The following RALGAPA1 variants were observed in gnomAD, a reference collection of about 807,000 sequenced individuals.
RALGAPA1 encodes Ral GTPase activating protein catalytic subunit alpha 1, also known as ral GTPase-activating protein subunit alpha-1.
In RALGAPA1, 52 loss-of-function variants were observed where a neutral mutation model predicts 269.6. The observed-to-expected ratio is 0.19, with a 90% CI of 0.15 to 0.24. The LOEUF is 0.24. RALGAPA1 is among the 10% of genes least tolerant of loss of function. RALGAPA1 has a pLI of 1.00. For missense variants in RALGAPA1, 1,917 were observed against 3,013.9 expected (o/e 0.64, Z 8.52); for synonymous variants, 817 against 1,008.3 (o/e 0.81, Z 3.60).
chr14:35,637,161 C>T (rs991161579), intron 31 of RALGAPA1, among the ~76,000 whole-genome samples: 12 of 152,164 alleles, frequency 7.9e-5, no homozygotes, highest in Admixed American at 1.3e-4. Context: ...AATGCCCACA[C>T]ACCAATGAAC....
At chr14:35,633,692 C>T (rs575528354) in intron 33 of RALGAPA1, among the ~76,000 whole-genome samples, 29 of 152,264 alleles carry the variant, frequency 1.9e-4, no homozygotes, top group Admixed American at 5.2e-4. Context: ...CTATAAAATA[C>T]TATTATCAAA....
At chr14:35,651,112 A>G (rs1453456350) in intron 31 of RALGAPA1, among the ~76,000 whole-genome samples, 1 of 152,176 alleles carries the variant, frequency 6.6e-6, no homozygotes, top group Non-Finnish European at 1.5e-5. Context: ...AATGAAACTC[A>G]TAGTCAAAAG....
At chr14:35,781,901 A>C (rs1402793429) in intron 1 of RALGAPA1, among the ~76,000 whole-genome samples, 1 of 152,206 alleles carries the variant, frequency 6.6e-6, no homozygotes, top group Non-Finnish European at 1.5e-5. Flanking sequence ...TGAAAGCTTT[A>C]CCCCTAAAAG....
rs547303266 is a variant in RALGAPA1, at chr14:35,704,094, A to C, written c.2267-3792T>G. Among the ~76,000 whole-genome samples, 3 of 152,324 alleles carry C rather than the reference A, an allele frequency of 2.0e-5. No homozygotes were observed. In the South Asian group the frequency reaches 6.2e-4, roughly 32 times the overall value. ...ATTTATTAAAATTCACATTATGTAT[A>C]CATTCCTATCCATTGGCAGAAATAC... On this transcript the variant is annotated intron_variant, in intron 16 of 41. Coordinates refer to ENST00000680220, the MANE Select transcript of RALGAPA1 (RefSeq NM_001346249.2).
At chr14:35,657,676 CAT>C (rs201294195) in intron 28 of RALGAPA1, among the ~76,000 whole-genome samples, 5 of 143,066 alleles carry the variant, frequency 3.5e-5, no homozygotes, top group Admixed American at 6.9e-5. Flanking sequence ...TGAGAAGCAA[CAT>C]ATATATATAT....
intron 4 of RALGAPA1, among the ~76,000 whole-genome samples, chr14:35,769,836 C>A (rs1222561750): frequency 2.0e-5 from 3 of 152,032 alleles, no homozygotes; most frequent in Admixed American, 6.6e-5. Flanking sequence ...AAAGAAAAGT[C>A]CAAGTACAAA....
intron 1 of RALGAPA1, among the ~76,000 whole-genome samples, chr14:35,792,402 C>T (rs942989763): frequency 3.9e-5 from 6 of 152,090 alleles, no homozygotes; most frequent in African/African-American, 1.4e-4. Flanking sequence ...AGCGATCCAC[C>T]CGCCTCAGCC....
At chr14:35,587,680 G>A (rs1221484994) in intron 37 of RALGAPA1, among the ~76,000 whole-genome samples, 1 of 150,726 alleles carries the variant, frequency 6.6e-6, no homozygotes, top group African/African-American at 2.4e-5. Context: ...GAGAACCTTG[G>A]ACACAGGGTG....
chr14:35,796,416 C>T (rs1478057150), intron 1 of RALGAPA1, among the ~76,000 whole-genome samples: 3 of 152,088 alleles, frequency 2.0e-5, no homozygotes, highest in Non-Finnish European at 4.4e-5. Context: ...TATTAATATT[C>T]CCTAATACGG....
In RALGAPA1 at chr14:35,627,631, G is replaced by A. The variant is rs1490577779; in HGVS notation, c.6316C>T (p.Arg2106Cys). 1.3e-6 allele frequency: 2 copies of A among 1,588,332 alleles called. No homozygotes were observed. The highest frequency in any genetic ancestry group is 3.5e-5 in the Admixed American group (2 of 56,620). ...CATGAATATTTTCCAGAGAGATCAC[G>A]TACTATGATTCTGACATTTGAATTG... is the stretch of plus-strand genomic sequence containing the variant. Reference protein sequence around the residue: ...SANSNVRIIVRDLSGKYSWDS... With the variant: ...SANSNVRIIVCDLSGKYSWDS... The change falls in exon 34 of 42, where the codon CGT (arginine) becomes TGT (cysteine). Residue 2106 changes from arginine (R) to cysteine (C), a missense_variant. By Grantham distance (180) the Arg-to-Cys change is radical. Transcript: ENST00000680220.
intron 4 of RALGAPA1, chr14:35,766,507 T>C (rs933311769): frequency 1.6e-6 from 2 of 1,231,412 alleles, no homozygotes; most frequent in Non-Finnish European, 2.4e-6. Flanking sequence ...TATTCAATTG[T>C]CTGCTACCAT....
chr14:35,680,478 G>A (rs1220719049), intron 21 of RALGAPA1, among the ~76,000 whole-genome samples: 2 of 152,106 alleles, frequency 1.3e-5, no homozygotes, highest in East Asian at 1.9e-4. Context: ...CCAAAGTACT[G>A]GGATTACAGG....
intron 16 of RALGAPA1, among the ~76,000 whole-genome samples, chr14:35,713,545 G>C (rs997849315): frequency 2.6e-5 from 4 of 152,168 alleles, no homozygotes; most frequent in African/African-American, 9.7e-5. Context: ...CAATGATGAG[G>C]AGGAATCCAA....
At chr14:35,709,161 T>C (rs1035510783) in intron 16 of RALGAPA1, among the ~76,000 whole-genome samples, 12 of 152,134 alleles carry the variant, frequency 7.9e-5, no homozygotes, top group African/African-American at 1.2e-4. Context: ...TATTTGCTAG[T>C]ACAACAGGGT....
intron 1 of RALGAPA1, among the ~76,000 whole-genome samples, chr14:35,803,987 C>T (rs1159754045): frequency 6.6e-6 from 1 of 152,076 alleles, no homozygotes; most frequent in African/African-American, 2.4e-5. Context: ...AAGATTTAAA[C>T]ACAAACTCAT....
intron 2 of RALGAPA1, 84 bp downstream of exon 2, chr14:35,775,551 C>T (rs1018400577): frequency 4.8e-6 from 7 of 1,454,696 alleles, no homozygotes; most frequent in Non-Finnish European, 6.3e-6. Flanking sequence ...ATAAGTGAAA[C>T]AATATGTCCA....
chr14:35,587,039 A>T (rs2058341882), intron 37 of RALGAPA1, among the ~76,000 whole-genome samples: 1 of 152,190 alleles, frequency 6.6e-6, no homozygotes, highest in Non-Finnish European at 1.5e-5. Flanking sequence ...AAGGAATGGT[A>T]CCAGCTCCTC....
chr14:35,610,664 T>C (rs2059875353), intron 35 of RALGAPA1, among the ~76,000 whole-genome samples: 1 of 152,176 alleles, frequency 6.6e-6, no homozygotes, highest in Non-Finnish European at 1.5e-5. Flanking sequence ...ATTGAATTAA[T>C]AATTTGATTA....
At chr14:35,618,209 A>G (rs1403855205) in intron 35 of RALGAPA1, among the ~76,000 whole-genome samples, 3 of 152,186 alleles carry the variant, frequency 2.0e-5, no homozygotes, top group Non-Finnish European at 4.4e-5. Context: ...TAATCTGCTA[A>G]TAGTGGACTA....
Sources: allele counts gnomAD v4.1 joint callset (sites outside exome capture counted in the v4.1 genomes callset), GRCh38; gene constraint gnomAD v4.1.1; transcripts MANE v1.5; gene names NCBI Gene and HGNC (gene_info 2026-07-23, HGNC 2026-07-21).